CA10: variants seen among roughly 807,000 people sequenced by gnomAD.
The protein encoded by CA10 is carbonic anhydrase-related protein 10.
In CA10, 14 loss-of-function variants were observed where a neutral mutation model predicts 44.2. That is an observed-to-expected ratio of 0.32 (90% CI 0.21 to 0.50). The LOEUF is 0.50. Ranked by LOEUF, CA10 falls within the 20% of genes least tolerant of loss-of-function variation. The pLI, the probability that CA10 is intolerant of heterozygous loss-of-function variation, is 0.99. For synonymous variants in CA10, 159 were observed against 141.6 expected (o/e 1.12, Z -0.87); for missense variants, 350 against 409.7 (o/e 0.85, Z 1.26).
At chr17:52,057,316 C>T (rs1011817230) in intron 2 of CA10, among the ~76,000 whole-genome samples, 2 of 152,052 alleles carry the variant, frequency 1.3e-5, no homozygotes, top group Non-Finnish European at 2.9e-5. Context: ...CCAACCCTTC[C>T]TCTTTTCCCT....
At chr17:51,985,212 T>A (rs1984788577) in intron 2 of CA10, among the ~76,000 whole-genome samples, 2 of 151,934 alleles carry the variant, frequency 1.3e-5, no homozygotes, top group Admixed American at 1.3e-4. Context: ...TGGTTTAAAA[T>A]ATGCAAGCCA....
At chr17:52,120,677 C>T (rs557332412) in intron 1 of CA10, among the ~76,000 whole-genome samples, 1 of 152,254 alleles carries the variant, frequency 6.6e-6, no homozygotes, top group Admixed American at 6.5e-5. Context: ...GGCATGCCCA[C>T]AAGGGACTGG....
chr17:51,938,636 G>T (rs951322331), intron 2 of CA10, among the ~76,000 whole-genome samples: 5 of 152,042 alleles, frequency 3.3e-5, no homozygotes, highest in Non-Finnish European at 2.9e-5. Context: ...ACTTATTTGT[G>T]CAGCAGCAGC....
At chr17:52,126,122 T>C (rs1288423614) in intron 1 of CA10, among the ~76,000 whole-genome samples, 5 of 152,174 alleles carry the variant, frequency 3.3e-5, no homozygotes, top group East Asian at 3.9e-4. Context: ...TGGTAAGTGT[T>C]ATGTGAAAAA....
At chr17:51,631,695 C>A in intron 8 of CA10, 89 bp from the exon 9 acceptor site, 2 of 1,125,488 alleles carry the variant, frequency 1.8e-6, no homozygotes, top group East Asian at 4.7e-5. Context: ...TTAGAGAATT[C>A]CTCCAGAGGG....
intron 2 of CA10, among the ~76,000 whole-genome samples, chr17:52,017,495 G>A (rs1011858486): frequency 1.3e-4 from 20 of 152,134 alleles, no homozygotes; most frequent in Non-Finnish European, 2.1e-4. Flanking sequence ...GGGATCCGTG[G>A]AAGTTTGAAC....
intron 2 of CA10, among the ~76,000 whole-genome samples, chr17:52,045,376 A>C (rs1986884081): frequency 1.3e-5 from 2 of 152,078 alleles, no homozygotes; most frequent in African/African-American, 4.8e-5. Context: ...GATCTACACA[A>C]GGGAATAAAC....
intron 2 of CA10, among the ~76,000 whole-genome samples, chr17:51,944,062 C>A (rs1983184810): frequency 6.6e-6 from 1 of 152,112 alleles, no homozygotes; most frequent in Admixed American, 6.6e-5. Context: ...CACCAAACAA[C>A]CTTTGGATAG....
chr17:51,866,807 G>A (rs1979567343), intron 3 of CA10, among the ~76,000 whole-genome samples: 1 of 152,144 alleles, frequency 6.6e-6, no homozygotes, highest in Admixed American at 6.5e-5. Flanking sequence ...TAGCAGAAAT[G>A]TAGCTCCATA....
At chr17:51,831,692 A>AGCGGCAGCGGCAGCAGCGGCAGCG (rs1567854568) in intron 3 of CA10, among the ~76,000 whole-genome samples, 1 of 79,786 alleles carries the variant, frequency 1.3e-5, no homozygotes, top group Non-Finnish European at 3.0e-5. Context: ...CAGCAGCAGC[A>AGCGGCAGCGGCAGCAGCGGCAGCG]GCAGCAGCAG....
chr17:52,076,030 A>C (rs1987808722), intron 1 of CA10, among the ~76,000 whole-genome samples: 1 of 152,208 alleles, frequency 6.6e-6, no homozygotes, highest in Admixed American at 6.5e-5. Context: ...GCATACATGC[A>C]TGTTGTCAAG....
At chr17:52,157,322 C>A (rs558389036) in intron 1 of CA10, among the ~76,000 whole-genome samples, 1 of 152,222 alleles carries the variant, frequency 6.6e-6, no homozygotes, top group South Asian at 2.1e-4. Flanking sequence ...CCGGGCAGGG[C>A]CCCGCGTCCA....
At chr17:52,034,555 G>A (rs1224330187) in intron 2 of CA10, among the ~76,000 whole-genome samples, 1 of 152,098 alleles carries the variant, frequency 6.6e-6, no homozygotes, top group African/African-American at 2.4e-5. Context: ...AGAGCTGGGG[G>A]ATGGTTACAT....
At chr17:51,929,287 A>G (rs879377312) in intron 3 of CA10, among the ~76,000 whole-genome samples, 29 of 152,116 alleles carry the variant, frequency 1.9e-4, no homozygotes, top group Non-Finnish European at 2.2e-4. Flanking sequence ...AAAATTATAT[A>G]TCCATTGTTT....
At chr17:52,150,730 A>C in intron 1 of CA10, among the ~76,000 whole-genome samples, 1 of 152,194 alleles carries the variant, frequency 6.6e-6, no homozygotes, top group East Asian at 1.9e-4. Context: ...CAAATAGTGT[A>C]TCTATTGCTT....
At chr17:52,035,486 A>T (rs971421048) in intron 2 of CA10, among the ~76,000 whole-genome samples, 1 of 152,124 alleles carries the variant, frequency 6.6e-6, no homozygotes, top group Admixed American at 6.5e-5. Flanking sequence ...AAGAGCCATG[A>T]GTGTAGATAC....
At chr17:52,130,690 T>G (rs1989219105) in intron 1 of CA10, among the ~76,000 whole-genome samples, 1 of 152,122 alleles carries the variant, frequency 6.6e-6, no homozygotes. Context: ...TACATGTCTT[T>G]TTTTCTTCTT....
intron 1 of CA10, among the ~76,000 whole-genome samples, chr17:52,076,479 T>G (rs1467656311): frequency 6.6e-6 from 1 of 152,238 alleles, no homozygotes; most frequent in Non-Finnish European, 1.5e-5. Flanking sequence ...CTGTCTTTGA[T>G]GTGCATTGTG....
At chr17:51,871,149 C>T (rs557886668) in intron 3 of CA10, among the ~76,000 whole-genome samples, 196 of 143,928 alleles carry the variant, frequency 1.4e-3, no homozygotes, top group Middle Eastern at 7.5e-3. Flanking sequence ...ACCTCTGCTT[C>T]CTGGGTTCAA....
Sources: gnomAD v4.1 joint callset for allele counts (sites outside exome capture counted in the v4.1 genomes callset) on GRCh38, gnomAD v4.1.1 for gene constraint, MANE v1.5 for transcripts, NCBI Gene and HGNC (gene_info 2026-07-23, HGNC 2026-07-21) for gene names.